HNRNPA3: variants seen among roughly 807,000 people sequenced by gnomAD.
The protein encoded by HNRNPA3 is epididymis secretory sperm binding protein.
In HNRNPA3, 3 loss-of-function variants were observed where a neutral mutation model predicts 45.8. The ratio of observed to expected loss-of-function variants is 0.07; its 90% CI spans 0.03 to 0.17. The LOEUF (loss-of-function observed/expected upper bound fraction) is 0.17, where lower values mean the gene tolerates loss of function less well. Among genes scored for constraint, HNRNPA3 ranks in the 10% least tolerant of loss-of-function variants. The pLI is 1.00. For synonymous variants in HNRNPA3, 170 were observed against 155.6 expected (o/e 1.09, Z -0.69); for missense variants, 183 against 480.3 (o/e 0.38, Z 5.79).
rs188706360 is a variant in HNRNPA3 at position 177,214,397 on chromosome 2, G to A, written c.73-1142G>A. On this transcript the variant is annotated intron_variant, in intron 1 of 10. Transcript: ENST00000392524. ...TCCTCAGTTTTTTTGGGAAATGCTGGTTTGGCTTAGGAATGCCTGTTTTAA... is the reference window on the plus strand; with the variant it reads ...TCCTCAGTTTTTTTGGGAAATGCTGATTTGGCTTAGGAATGCCTGTTTTAA... Among the ~76,000 whole-genome samples, 1,088 of 152,214 alleles carry A rather than the reference G, an allele frequency of 7.1e-3. 5 individuals are homozygous for A. The highest frequency in any genetic ancestry group is 8.8e-3 in the Non-Finnish European group (601 of 68,014).
At chr2:177,214,840 C>T (rs1321844928) in intron 1 of HNRNPA3, among the ~76,000 whole-genome samples, 1 of 152,152 alleles carries the variant, frequency 6.6e-6, no homozygotes, top group African/African-American at 2.4e-5. Flanking sequence ...GGGTTGTAGA[C>T]TGAGAAGAGT....
intron 1 of HNRNPA3, 136 bp from the exon 2 acceptor site, chr2:177,215,403 A>G: frequency 2.1e-6 from 2 of 931,782 alleles, no homozygotes; most frequent in Non-Finnish European, 3.3e-6. Context: ...GTCTGGTCAA[A>G]GTTTTAACTG....
chr2:177,215,875 A>C, exon 3 of HNRNPA3: 1 of 1,596,798 alleles, frequency 6.3e-7, no homozygotes. Context: ...TAGTGGAACC[A>C]AAGAGAGCTG....
At chr2:177,219,259 C>A (rs1480506626) in exon 10 of HNRNPA3, 1 of 1,613,482 alleles carries the variant, frequency 6.2e-7, no homozygotes, top group Non-Finnish European at 8.5e-7. Flanking sequence ...GGTTATGGAT[C>A]TGGTGGTGGA....
chr2:177,223,790 T>G (rs1689289302), downstream of HNRNPA3: 1 of 152,258 alleles, frequency 6.6e-6, no homozygotes. Context: ...ATTCAGATGT[T>G]TCATTTGTAG....
downstream of HNRNPA3, chr2:177,223,873 C>T (rs1689297387): frequency 6.6e-6 from 1 of 152,136 alleles, no homozygotes. Context: ...TGTTTTGTCA[C>T]TTCACAATGT....
chr2:177,215,205 C>A (rs1238591843), intron 1 of HNRNPA3, among the ~76,000 whole-genome samples: 1 of 152,024 alleles, frequency 6.6e-6, no homozygotes, highest in African/African-American at 2.4e-5. Flanking sequence ...TGGGTTTAAG[C>A]GATTTTCCTT....
At chr2:177,218,045 C>CTTTTT (rs1182076649) in intron 8 of HNRNPA3, among the ~76,000 whole-genome samples, 200 bp downstream of exon 8, 3 of 107,636 alleles carry the variant, frequency 2.8e-5, no homozygotes, top group Admixed American at 1.2e-4. Context: ...ACTCAGCTCT[C>CTTTTT]TTTTTTCTTT....
chr2:177,215,518 A>C, intron 1 of HNRNPA3, 21 bp from the exon 2 acceptor site: 1 of 1,613,126 alleles, frequency 6.2e-7, no homozygotes, highest in Non-Finnish European at 8.5e-7. Flanking sequence ...GTAACTTAAG[A>C]GTATTGGTTC....
chr2:177,216,813 T>C, intron 6 of HNRNPA3, 42 bp downstream of exon 6: 1 of 1,613,608 alleles, frequency 6.2e-7, no homozygotes, highest in Non-Finnish European at 8.5e-7. Context: ...CCTGACATTT[T>C]GGTAAGTTGA....
At chr2:177,222,351 T>A (rs1689217108), downstream of HNRNPA3, 1 of 152,236 alleles carries the variant, frequency 6.6e-6, no homozygotes, top group Non-Finnish European at 1.5e-5. Context: ...CAGTTGTGAC[T>A]CCTTGTGTAT....
intron 7 of HNRNPA3, among the ~76,000 whole-genome samples, chr2:177,217,503 GC>G (rs1376333401): frequency 6.6e-6 from 1 of 152,214 alleles, no homozygotes. Context: ...GGTGGCACAT[GC>G]CCATAGTCTA....
At chr2:177,221,346 T>C (rs1162000281), downstream of HNRNPA3, 1 of 152,446 alleles carries the variant, frequency 6.6e-6, no homozygotes, top group African/African-American at 2.4e-5. Context: ...AGTTCTTTTA[T>C]TCATATAAAT....
exon 7 of HNRNPA3, chr2:177,216,934 G>A (rs1033958314): frequency 6.5e-7 from 1 of 1,539,282 alleles, no homozygotes; most frequent in Middle Eastern, 2.2e-4. Flanking sequence ...TGGATTTGGA[G>A]GTGATGGTAG....
exon 3 of HNRNPA3, chr2:177,215,788 T>C: frequency 6.2e-7 from 1 of 1,610,156 alleles, no homozygotes; most frequent in Non-Finnish European, 8.5e-7. Context: ...CCAGGGGCTT[T>C]GGTTTTGTGA....
chr2:177,215,261 A>G (rs1558968638), intron 1 of HNRNPA3, among the ~76,000 whole-genome samples: 1 of 151,880 alleles, frequency 6.6e-6, no homozygotes, highest in African/African-American at 2.4e-5. Flanking sequence ...CGCCCAGCTA[A>G]TTTTTGTGTT....
chr2:177,215,919 A>G (rs1307304220), intron 3 of HNRNPA3, 23 bp downstream of exon 3: 1 of 1,597,106 alleles, frequency 6.3e-7, no homozygotes, highest in South Asian at 1.1e-5. Flanking sequence ...TACATTGTGT[A>G]ATATGTGAAA....
chr2:177,216,923 A>G (rs1688966191), exon 7 of HNRNPA3: 1 of 1,573,560 alleles, frequency 6.4e-7, no homozygotes, highest in Non-Finnish European at 8.6e-7. Context: ...GGTGGATATA[A>G]TGGATTTGGA....
chr2:177,215,936 T>C (rs956944077), intron 3 of HNRNPA3, 40 bp downstream of exon 3: 1 of 1,596,614 alleles, frequency 6.3e-7, no homozygotes, highest in East Asian at 2.2e-5. Context: ...GAAATTGTTG[T>C]GAAAGTTTGT....
Sources: gnomAD v4.1 joint callset for allele counts (sites outside exome capture counted in the v4.1 genomes callset) on GRCh38, gnomAD v4.1.1 for gene constraint, MANE v1.5 for transcripts, NCBI Gene and HGNC (gene_info 2026-07-23, HGNC 2026-07-21) for gene names.